CCDC82: variants seen among roughly 807,000 people sequenced by gnomAD.
CCDC82 encodes the protein coiled-coil domain containing 82.
A neutral mutation model predicts 60.6 loss-of-function variants in CCDC82; 47 were observed. The ratio of observed to expected loss-of-function variants is 0.77; its 90% CI spans 0.61 to 0.99. The LOEUF is 0.99. CCDC82 is among the 50% of genes least tolerant of loss of function. The pLI is 0.00. For synonymous variants in CCDC82, 212 were observed against 207.4 expected, an observed-to-expected ratio of 1.02 and a Z score of -0.19; for missense variants, 588 against 633.0, an observed-to-expected ratio of 0.93 and a Z score of 0.76.
At chr11:96,358,703 T>C (rs1282263514) in intron 9 of CCDC82, 7 of 1,188,270 alleles carry the variant, frequency 5.9e-6, no homozygotes, top group Admixed American at 8.2e-5. Context: ...TTAATATATA[T>C]GTAAGCAATA....
intron 7 of CCDC82, among the ~76,000 whole-genome samples, chr11:96,365,998 A>G (rs1167056696): frequency 2.0e-5 from 3 of 152,178 alleles, no homozygotes; most frequent in African/African-American, 7.2e-5. Flanking sequence ...TGAAAACTAC[A>G]TTTTCTGGTG....
At chr11:96,369,330 C>T (rs1254443121) in intron 7 of CCDC82, among the ~76,000 whole-genome samples, 1 of 152,208 alleles carries the variant, frequency 6.6e-6, no homozygotes, top group Non-Finnish European at 1.5e-5. Context: ...GAGCAAGAGG[C>T]TTACATTTCA....
At chr11:96,376,149 T>G (rs906825653) in intron 5 of CCDC82, among the ~76,000 whole-genome samples, 3 of 152,240 alleles carry the variant, frequency 2.0e-5, no homozygotes, top group Non-Finnish European at 4.4e-5. Flanking sequence ...CATTTGGTAG[T>G]CTAATCATTC....
intron 5 of CCDC82, among the ~76,000 whole-genome samples, chr11:96,379,460 G>A (rs1591209009): frequency 6.6e-6 from 1 of 151,318 alleles, no homozygotes; most frequent in East Asian, 1.9e-4. Context: ...TCATCTATAG[G>A]AACTTAACAA....
At chr11:96,376,379 T>C (rs570439772) in intron 5 of CCDC82, among the ~76,000 whole-genome samples, 2 of 151,518 alleles carry the variant, frequency 1.3e-5, no homozygotes, top group Non-Finnish European at 2.9e-5. Flanking sequence ...ATGTTTTCTG[T>C]TCTGTTTCAC....
intron 9 of CCDC82, chr11:96,357,498 G>A (rs942983936): frequency 1.0e-5 from 10 of 984,558 alleles, no homozygotes; most frequent in East Asian, 1.1e-4. Context: ...AAAGAATAAC[G>A]TCTTTAAAAT....
intron 2 of CCDC82, chr11:96,386,506 G>A (rs1866205394): frequency 6.6e-6 from 1 of 152,118 alleles, no homozygotes; most frequent in Admixed American, 6.5e-5. Flanking sequence ...CCAGGCTGGA[G>A]TGCAGTGGCA....
At position 96,367,298 on chromosome 11, in the gene CCDC82, A is replaced by G. The variant is rs932119732; in HGVS notation, c.1210-2148T>C. On this transcript the variant is annotated intron_variant, in intron 7 of 9. Transcript: ENST00000646818. ...GCAATGCTGTTTGATTGTATATTTG[A>G]TTGTATGTTATACAGAATAGAACTT... is the stretch of plus-strand genomic sequence containing the variant. Among the ~76,000 whole-genome samples, 44 of 152,232 alleles carry G rather than the reference A, an allele frequency of 2.9e-4. 3 individuals carry two copies. Among genetic ancestry groups the G allele is most frequent in the Non-Finnish European group, 1.5e-5 (1 of 68,036 alleles).
intron 3 of CCDC82, chr11:96,384,974 CGTT>C (rs577044771): frequency 1.6e-3 from 686 of 419,280 alleles, no homozygotes; most frequent in Non-Finnish European, 2.4e-3. Context: ...CTCTGAATTA[CGTT>C]GTATGTTGTG....
intron 8 of CCDC82, among the ~76,000 whole-genome samples, chr11:96,362,323 T>C (rs1864705267): frequency 6.6e-6 from 1 of 152,216 alleles, no homozygotes; most frequent in Non-Finnish European, 1.5e-5. Context: ...AAAAGGATTC[T>C]CAAGGAAACA....
intron 8 of CCDC82, chr11:96,363,305 C>T (rs1864768954): frequency 6.6e-6 from 1 of 152,118 alleles, no homozygotes; most frequent in African/African-American, 2.4e-5. Flanking sequence ...TTTTCTCTCC[C>T]TTTCTTTCCT....
chr11:96,357,353 A>G, intron 9 of CCDC82: 1 of 985,248 alleles, frequency 1.0e-6, no homozygotes, highest in Non-Finnish European at 1.2e-6. Flanking sequence ...TGTCCTAGAC[A>G]TGCACAATCT....
In CCDC82 at chr11:96,384,107, A is replaced by T. The variant is rs1196552635; in HGVS notation, c.641T>A (p.Val214Asp). The T allele has an allele frequency of 6.2e-7, 1 of 1,613,774 alleles. No individual in the cohort carries two copies. The highest frequency in any genetic ancestry group is 1.7e-5 in the Admixed American group (1 of 60,000). ...KVGVKRPRRV[V>D]EDEGSSVEME... ...TTCCACTGAAGAACCTTCATCTTCA[A>T]CCACTCTACGGGGACGTTTAACACC... Residue 214 changes from valine to aspartate, a missense_variant, in exon 4 of 10, where the codon GTT (valine) becomes GAT (aspartate). Val to Asp is a radical substitution (Grantham distance 152). Coordinates refer to ENST00000646818, the MANE Select transcript of CCDC82 (RefSeq NM_024725.4).
chr11:96,377,028 G>A (rs1035203933), intron 5 of CCDC82, among the ~76,000 whole-genome samples: 13 of 152,066 alleles, frequency 8.5e-5, no homozygotes, highest in African/African-American at 3.1e-4. Flanking sequence ...AGGAGGATGT[G>A]GTCTTGCTAG....
intron 8 of CCDC82, chr11:96,363,945 T>C (rs1199941948): frequency 2.0e-5 from 3 of 152,192 alleles, no homozygotes; most frequent in Non-Finnish European, 2.9e-5. Context: ...TTTTAGTTCA[T>C]GCTTTCAGTT....
At chr11:96,372,364 T>C (rs773580456) in intron 6 of CCDC82, among the ~76,000 whole-genome samples, 4 of 151,968 alleles carry the variant, frequency 2.6e-5, no homozygotes, top group Non-Finnish European at 5.9e-5. Context: ...ACCACTGAAA[T>C]CGTATTATAT....
intron 9 of CCDC82, chr11:96,354,345 G>T (rs1277988330): frequency 6.6e-6 from 1 of 152,176 alleles, no homozygotes; most frequent in Non-Finnish European, 1.5e-5. Flanking sequence ...TATGGGATTT[G>T]ACTACAACCT....
chr11:96,364,865 G>T, intron 8 of CCDC82, 115 bp downstream of exon 8: 1 of 890,768 alleles, frequency 1.1e-6, no homozygotes, highest in Non-Finnish European at 1.7e-6. Context: ...CAATTTGGTG[G>T]ATTATATGCT....
intron 8 of CCDC82, 132 bp from the exon 9 acceptor site, chr11:96,359,310 C>A: frequency 1.4e-6 from 1 of 698,566 alleles, no homozygotes; most frequent in East Asian, 3.1e-5. Flanking sequence ...TTTACCTTCT[C>A]TTACTTATAC....
Sources: gnomAD v4.1 joint callset for allele counts (sites outside exome capture counted in the v4.1 genomes callset) on GRCh38, gnomAD v4.1.1 for gene constraint, MANE v1.5 for transcripts, NCBI Gene and HGNC (gene_info 2026-07-23, HGNC 2026-07-21) for gene names.